Variants in CNTNAP2 observed in about 807,000 individuals in gnomAD.
CNTNAP2 encodes the protein contactin associated protein 2.
Under a neutral mutation model 155.2 loss-of-function variants are expected in CNTNAP2, and 98 were observed. The ratio of observed to expected loss-of-function variants is 0.63; its 90% CI spans 0.54 to 0.75. CNTNAP2 has a LOEUF of 0.75. CNTNAP2 is among the 30% of genes least tolerant of loss of function. The probability of loss-of-function intolerance (pLI) is 0.00; values close to 1 mark genes in which losing one functional copy is unlikely to be tolerated. For synonymous variants in CNTNAP2, 651 were observed against 631.2 expected (o/e 1.03, Z -0.47); for missense variants, 1,727 against 1,688.1 (o/e 1.02, Z -0.40).
In CNTNAP2 at chr7:147,912,374, G is replaced by T. The variant is rs914723075; in HGVS notation, c.2255+8653G>T. Among the ~76,000 whole-genome samples the T allele has an allele frequency of 2.6e-5, 4 of 152,268 alleles. No individual in the cohort carries two copies. The East Asian group carries it at 7.7e-4, about 29-fold the overall frequency. ...CCCCTCTGTTCTGACCTCCTTGCCTGCATGCCTTGCTGCCACCCTGCTGCT... is the reference window on the plus strand; with the variant it reads ...CCCCTCTGTTCTGACCTCCTTGCCTTCATGCCTTGCTGCCACCCTGCTGCT... On this transcript the variant is annotated intron_variant, in intron 14 of 23. Transcript: ENST00000361727.
intron 1 of CNTNAP2, among the ~76,000 whole-genome samples, chr7:146,157,273 C>CAG (rs1241750591): frequency 2.0e-5 from 3 of 151,942 alleles, no homozygotes; most frequent in Non-Finnish European, 4.4e-5. Context: ...AACATTAAAG[C>CAG]AGAAGGAGGT....
chr7:148,370,978 A>G (rs1437555830), intron 21 of CNTNAP2, among the ~76,000 whole-genome samples: 2 of 151,888 alleles, frequency 1.3e-5, no homozygotes, highest in Non-Finnish European at 2.9e-5. Flanking sequence ...TCCTCAAAAC[A>G]CACCCCGGTT....
Position 148,121,488 on chromosome 7 carries a change from C to T in CNTNAP2, c.2554+3200C>T, listed in dbSNP as rs182790757. 1.8e-4 allele frequency among the ~76,000 whole-genome samples: 28 copies of T among 152,302 alleles called. No individual in the cohort carries two copies. The East Asian group carries it at 3.9e-3, about 21-fold the overall frequency. On this transcript the variant is annotated intron_variant, in intron 16 of 23. Transcript: ENST00000361727. Reference sequence around the variant, plus strand: ...GGGCTACCAGAGGGGCCTCAGGAAACGTTGATTCTGAAGTTAAACTCTTTA... The same window carrying T: ...GGGCTACCAGAGGGGCCTCAGGAAATGTTGATTCTGAAGTTAAACTCTTTA...
intron 1 of CNTNAP2, among the ~76,000 whole-genome samples, chr7:146,507,542 G>A (rs1334357748): frequency 6.6e-6 from 1 of 152,172 alleles, no homozygotes; most frequent in Non-Finnish European, 1.5e-5. Context: ...AATATCCCAA[G>A]AGGCTCACAA....
At chr7:147,255,106 T>G (rs1013343783) in intron 8 of CNTNAP2, among the ~76,000 whole-genome samples, 3 of 152,214 alleles carry the variant, frequency 2.0e-5, no homozygotes, top group Admixed American at 6.5e-5. Context: ...AAATGAGTTC[T>G]ATTTATGTAT....
At chr7:146,143,836 C>T (rs925306468) in intron 1 of CNTNAP2, among the ~76,000 whole-genome samples, 1 of 151,904 alleles carries the variant, frequency 6.6e-6, no homozygotes, top group African/African-American at 2.4e-5. Flanking sequence ...AGTCTTGGCT[C>T]ACTGCAACCT....
intron 13 of CNTNAP2, among the ~76,000 whole-genome samples, chr7:147,654,899 C>T (rs777529141): frequency 6.9e-6 from 1 of 145,612 alleles, no homozygotes; most frequent in Admixed American, 7.1e-5. Context: ...CTGCTGCAAC[C>T]TCCACCTCCC....
At chr7:146,670,941 G>T (rs780472053) in intron 1 of CNTNAP2, among the ~76,000 whole-genome samples, 3 of 152,094 alleles carry the variant, frequency 2.0e-5, no homozygotes, top group Non-Finnish European at 4.4e-5. Flanking sequence ...TTAATATTAA[G>T]TTTAATTATA....
At chr7:146,630,719 T>A (rs973668919) in intron 1 of CNTNAP2, among the ~76,000 whole-genome samples, 1 of 152,060 alleles carries the variant, frequency 6.6e-6, no homozygotes, top group African/African-American at 2.4e-5. Flanking sequence ...TTTTCATTTC[T>A]CTAATGACCA....
intron 10 of CNTNAP2, among the ~76,000 whole-genome samples, chr7:147,464,763 A>G (rs1798086673): frequency 6.6e-6 from 1 of 152,198 alleles, no homozygotes; most frequent in South Asian, 2.1e-4. Context: ...CATCATGACA[A>G]TTTCATAGCA....
At chr7:146,457,103 A>G (rs575110504) in intron 1 of CNTNAP2, among the ~76,000 whole-genome samples, 1 of 152,288 alleles carries the variant, frequency 6.6e-6, no homozygotes, top group African/African-American at 2.4e-5. Context: ...GCACTATGGA[A>G]TCAAGCCTGA....
chr7:147,172,271 G>A (rs191767014), intron 8 of CNTNAP2, among the ~76,000 whole-genome samples: 1 of 152,028 alleles, frequency 6.6e-6, no homozygotes, highest in African/African-American at 2.4e-5. Flanking sequence ...TCCATGAAAG[G>A]TTACCTAAAT....
At chr7:147,527,453 C>A (rs763694976) in intron 11 of CNTNAP2, among the ~76,000 whole-genome samples, 1 of 152,096 alleles carries the variant, frequency 6.6e-6, no homozygotes, top group African/African-American at 2.4e-5. Context: ...TCTCAGTATG[C>A]GCAGCGTTAT....
intron 10 of CNTNAP2, among the ~76,000 whole-genome samples, chr7:147,469,963 A>G (rs1469977753): frequency 6.6e-6 from 1 of 152,166 alleles, no homozygotes; most frequent in East Asian, 1.9e-4. Flanking sequence ...CAAAGATCCC[A>G]TGGCCAGCTA....
At chr7:146,663,074 T>C (rs563894234) in intron 1 of CNTNAP2, among the ~76,000 whole-genome samples, 4 of 152,200 alleles carry the variant, frequency 2.6e-5, no homozygotes, top group Admixed American at 2.0e-4. Context: ...GGTCAGGAGT[T>C]CGAGACCAGC....
chr7:147,581,323 T>A (rs1800494783), intron 12 of CNTNAP2, among the ~76,000 whole-genome samples: 1 of 152,228 alleles, frequency 6.6e-6, no homozygotes, highest in East Asian at 1.9e-4. Flanking sequence ...TAAAAGTATT[T>A]ATTCACCAGA....
intron 21 of CNTNAP2, among the ~76,000 whole-genome samples, chr7:148,293,052 A>G (rs62470574): frequency 0.17 from 25,785 of 148,818 alleles, 2,378 homozygotes; most frequent in Middle Eastern, 0.25. Context: ...GCAGTTGTAT[A>G]GACATCGTGA....
chr7:148,414,326 C>T (rs1030809012), intron 23 of CNTNAP2, among the ~76,000 whole-genome samples: 4 of 152,038 alleles, frequency 2.6e-5, no homozygotes, highest in African/African-American at 7.2e-5. Context: ...GTAATCCGCC[C>T]GCCTCAGCCT....
At chr7:148,077,723 C>A (rs1167399681) in intron 15 of CNTNAP2, among the ~76,000 whole-genome samples, 1 of 152,142 alleles carries the variant, frequency 6.6e-6, no homozygotes, top group East Asian at 1.9e-4. Context: ...AAAAGTATCA[C>A]CTGGCTAATT....
Sources: gnomAD v4.1 joint callset for allele counts (sites outside exome capture counted in the v4.1 genomes callset) on GRCh38, gnomAD v4.1.1 for gene constraint, MANE v1.5 for transcripts, NCBI Gene and HGNC (gene_info 2026-07-23, HGNC 2026-07-21) for gene names.